RGS7: variants seen among roughly 807,000 people sequenced by gnomAD.
The protein encoded by RGS7 is regulator of G-protein signaling 7.
In RGS7, 27 loss-of-function variants were observed where a neutral mutation model predicts 81.1. The ratio of observed to expected loss-of-function variants is 0.33; its 90% CI spans 0.25 to 0.46. The LOEUF is 0.46. Ranked by LOEUF, RGS7 falls within the 20% of genes least tolerant of loss-of-function variation. The probability of loss-of-function intolerance (pLI) is 1.00; values close to 1 mark genes in which losing one functional copy is unlikely to be tolerated. For missense variants in RGS7, 396 were observed against 607.4 expected (o/e 0.65, Z 3.66); for synonymous variants, 208 against 207.7 (o/e 1.00, Z -0.01).
chr1:240,961,479 T>C (rs1431529120), intron 4 of RGS7, among the ~76,000 whole-genome samples: 1 of 152,216 alleles, frequency 6.6e-6, no homozygotes, highest in Non-Finnish European at 1.5e-5. Context: ...TTACTATTAA[T>C]ATGTGCATGT....
intron 3 of RGS7, among the ~76,000 whole-genome samples, chr1:241,007,946 G>A (rs1012342147): frequency 2.6e-5 from 4 of 152,152 alleles, no homozygotes; most frequent in Non-Finnish European, 4.4e-5. Context: ...AGGCCCTGGA[G>A]GCTATTCAAT....
intron 9 of RGS7, among the ~76,000 whole-genome samples, chr1:240,838,571 G>A (rs894198911): frequency 6.6e-6 from 1 of 152,106 alleles, no homozygotes; most frequent in African/African-American, 2.4e-5. Flanking sequence ...TTAGAAAAGA[G>A]ATTTTTACAT....
intron 2 of RGS7, among the ~76,000 whole-genome samples, chr1:241,231,604 C>A (rs752500399): frequency 6.6e-5 from 10 of 152,004 alleles, no homozygotes; most frequent in Non-Finnish European, 1.3e-4. Context: ...AGCGATCCAC[C>A]CACCTTGGTC....
intron 2 of RGS7, among the ~76,000 whole-genome samples, chr1:241,257,601 G>C (rs61833816): frequency 0.1 from 15,737 of 152,064 alleles, 1,098 homozygotes; most frequent in East Asian, 0.31. Flanking sequence ...TTTCCCTTTG[G>C]GGAATTAAAT....
At chr1:240,973,823 A>G (rs948825978) in intron 4 of RGS7, among the ~76,000 whole-genome samples, 1 of 151,854 alleles carries the variant, frequency 6.6e-6, no homozygotes, top group Non-Finnish European at 1.5e-5. Context: ...CTTGTGATCC[A>G]TCCGCCTCGG....
intron 18 of RGS7, among the ~76,000 whole-genome samples, chr1:240,793,607 A>ATTTT (rs1461920030): frequency 5.9e-5 from 2 of 33,852 alleles, no homozygotes; most frequent in African/African-American, 1.3e-4. Flanking sequence ...ATATATATAT[A>ATTTT]TATATTTTTT....
At chr1:240,859,022 C>T (rs1326582010) in intron 9 of RGS7, among the ~76,000 whole-genome samples, 1 of 152,086 alleles carries the variant, frequency 6.6e-6, no homozygotes, top group Non-Finnish European at 1.5e-5. Flanking sequence ...TAGGAGGTAG[C>T]CACTCTGCTA....
intron 15 of RGS7, among the ~76,000 whole-genome samples, chr1:240,804,722 T>C (rs542104543): frequency 6.6e-6 from 1 of 152,314 alleles, no homozygotes; most frequent in East Asian, 1.9e-4. Flanking sequence ...AGCAGAGAAG[T>C]GAGCAGCAGG....
At chr1:241,090,289 A>G (rs1317838264) in intron 3 of RGS7, among the ~76,000 whole-genome samples, 1 of 152,110 alleles carries the variant, frequency 6.6e-6, no homozygotes, top group East Asian at 1.9e-4. Context: ...TGTGGATGCA[A>G]CAGATATGAG....
At chr1:241,039,406 G>A (rs192076737) in intron 3 of RGS7, among the ~76,000 whole-genome samples, 13 of 152,236 alleles carry the variant, frequency 8.5e-5, no homozygotes, top group East Asian at 5.8e-4. Flanking sequence ...GATCTTATTC[G>A]TTGAATCAGA....
chr1:240,958,754 C>G (rs111754965), intron 4 of RGS7, among the ~76,000 whole-genome samples: 32 of 152,314 alleles, frequency 2.1e-4, no homozygotes, highest in African/African-American at 7.5e-4. Flanking sequence ...AAGCTTCCTT[C>G]TTGCTTTTCT....
intron 3 of RGS7, among the ~76,000 whole-genome samples, chr1:241,058,457 C>T (rs552357168): frequency 6.6e-6 from 1 of 152,310 alleles, no homozygotes; most frequent in South Asian, 2.1e-4. Flanking sequence ...TGGCCCTCTT[C>T]CAAGGGTACT....
intron 3 of RGS7, among the ~76,000 whole-genome samples, chr1:240,991,047 G>A (rs767262018): frequency 3.9e-5 from 6 of 152,286 alleles, no homozygotes; most frequent in South Asian, 4.1e-4. Context: ...ATAGAAGCCC[G>A]ATATTCACTG....
chr1:241,036,433 A>G (rs1215560162), intron 3 of RGS7, among the ~76,000 whole-genome samples: 1 of 152,222 alleles, frequency 6.6e-6, no homozygotes, highest in Non-Finnish European at 1.5e-5. Flanking sequence ...CATGTAGGAA[A>G]TATTTCGGCT....
chr1:240,899,432 C>G (rs1669620733), intron 6 of RGS7, among the ~76,000 whole-genome samples: 1 of 152,142 alleles, frequency 6.6e-6, no homozygotes, highest in Non-Finnish European at 1.5e-5. Context: ...CCAGTTGTTC[C>G]TTTCCATGTT....
At chr1:241,052,596 T>C (rs1332299523) in intron 3 of RGS7, among the ~76,000 whole-genome samples, 38 of 152,158 alleles carry the variant, frequency 2.5e-4, no homozygotes, top group Admixed American at 2.5e-3. Context: ...CTCCTCCCTC[T>C]GATGACCCAT....
intron 2 of RGS7, among the ~76,000 whole-genome samples, chr1:241,312,282 G>C (rs1257493465): frequency 6.6e-6 from 1 of 152,210 alleles, no homozygotes; most frequent in East Asian, 1.9e-4. Flanking sequence ...TCTAGTGAGA[G>C]AAACAGACTA....
intron 2 of RGS7, among the ~76,000 whole-genome samples, chr1:241,298,773 C>T (rs1034245629): frequency 6.6e-6 from 1 of 152,134 alleles, no homozygotes; most frequent in Non-Finnish European, 1.5e-5. Context: ...AAGTCACAGG[C>T]GATCCATGCT....
chr1:241,160,110 C>CAAAAAAAAAAAAAAAAAA (rs369734662), intron 2 of RGS7, among the ~76,000 whole-genome samples: 22 of 55,980 alleles, frequency 3.9e-4, no homozygotes, highest in African/African-American at 5.1e-4. Context: ...GACTCCATCT[C>CAAAAAAAAAAAAAAAAAA]AAAAAAAAAA....
Sources: allele counts gnomAD v4.1 joint callset (sites outside exome capture counted in the v4.1 genomes callset), GRCh38; gene constraint gnomAD v4.1.1; transcripts MANE v1.5; gene names NCBI Gene and HGNC (gene_info 2026-07-23, HGNC 2026-07-21).